XKR9: variants seen among roughly 807,000 people sequenced by gnomAD.
XKR9 encodes XK related 9.
In XKR9, 32 loss-of-function variants were observed where a neutral mutation model predicts 32.0. The observed-to-expected ratio is 1.00, with a 90% CI of 0.76 to 1.34. XKR9 has a LOEUF of 1.34. Ranked by LOEUF, XKR9 falls within the 40% of genes most tolerant of loss-of-function variation. The probability of loss-of-function intolerance (pLI) is 0.00; values close to 1 mark genes in which losing one functional copy is unlikely to be tolerated. For synonymous variants in XKR9, 168 were observed against 143.4 expected (o/e 1.17, Z -1.22); for missense variants, 546 against 429.7 (o/e 1.27, Z -2.39).
At chr8:70,715,824 T>A (rs2132201902) in intron 4 of XKR9, among the ~76,000 whole-genome samples, 1 of 150,778 alleles carries the variant, frequency 6.6e-6, no homozygotes, top group Non-Finnish European at 1.5e-5. Context: ...ATGGAAAACA[T>A]TTTTTTTTGA....
chr8:70,911,883 T>C, the XKR9 span, among the ~76,000 whole-genome samples: 1 of 151,980 alleles, frequency 6.6e-6, no homozygotes, highest in Admixed American at 6.6e-5. Context: ...GACCACACAG[T>C]GCAGTAAAGG....
chr8:70,924,443 A>G, the XKR9 span, among the ~76,000 whole-genome samples: 237 of 152,288 alleles, frequency 1.6e-3, 1 homozygote, highest in African/African-American at 5.5e-3. Flanking sequence ...GAAAATGTCA[A>G]TACTCAATTT....
At chr8:70,898,762 A>G in the XKR9 span, among the ~76,000 whole-genome samples, 1 of 152,034 alleles carries the variant, frequency 6.6e-6, no homozygotes, top group Non-Finnish European at 1.5e-5. Context: ...TTCTTATTTT[A>G]TCATAATTTA....
the XKR9 span, among the ~76,000 whole-genome samples, chr8:70,905,672 G>A: frequency 6.6e-6 from 1 of 152,160 alleles, no homozygotes; most frequent in Non-Finnish European, 1.5e-5. Flanking sequence ...TGCTGGCAAG[G>A]AGCTGCGTTC....
the XKR9 span, among the ~76,000 whole-genome samples, chr8:70,946,005 C>A: frequency 6.6e-6 from 1 of 151,936 alleles, no homozygotes; most frequent in East Asian, 1.9e-4. Flanking sequence ...CATGGTGGTG[C>A]GCGCCTGTAG....
the XKR9 span, among the ~76,000 whole-genome samples, chr8:71,056,918 C>G: frequency 6.6e-6 from 1 of 151,976 alleles, no homozygotes; most frequent in South Asian, 2.1e-4. Context: ...TAAGTTATTC[C>G]TTAAATGAGA....
chr8:70,894,742 G>GT, the XKR9 span, among the ~76,000 whole-genome samples: 13 of 150,362 alleles, frequency 8.6e-5, no homozygotes, highest in Admixed American at 1.3e-4. Context: ...GGCTAAGGTG[G>GT]TTTTTTTTAG....
At chr8:70,676,332 G>C (rs1818887825) in intron 2 of XKR9, among the ~76,000 whole-genome samples, 1 of 152,170 alleles carries the variant, frequency 6.6e-6, no homozygotes, top group Non-Finnish European at 1.5e-5. Context: ...TTCAACATGA[G>C]ATTTGGTAGG....
At chr8:70,732,872 C>T (rs1309022466) in intron 4 of XKR9, among the ~76,000 whole-genome samples, 2 of 152,308 alleles carry the variant, frequency 1.3e-5, no homozygotes, top group Non-Finnish European at 2.9e-5. Flanking sequence ...AATCCTAGCC[C>T]TTTGGGAGGC....
the XKR9 span, among the ~76,000 whole-genome samples, chr8:70,800,841 G>C: frequency 6.6e-6 from 1 of 151,942 alleles, no homozygotes; most frequent in African/African-American, 2.4e-5. Flanking sequence ...CTTTGAAACT[G>C]ATTATCAGTG....
chr8:70,753,691 A>G (rs1474034975), intron 2 of XKR9, among the ~76,000 whole-genome samples: 2 of 152,050 alleles, frequency 1.3e-5, no homozygotes, highest in Middle Eastern at 3.2e-3. Context: ...TAGATGCAGA[A>G]AAGGCCTTTG....
At chr8:71,034,252 TAGTG>T in the XKR9 span, among the ~76,000 whole-genome samples, 1 of 152,154 alleles carries the variant, frequency 6.6e-6, no homozygotes, top group African/African-American at 2.4e-5. Flanking sequence ...GTTCTCATGA[TAGTG>T]AGTGAGTTCT....
chr8:70,959,004 A>G, the XKR9 span, among the ~76,000 whole-genome samples: 2 of 152,244 alleles, frequency 1.3e-5, no homozygotes, highest in Admixed American at 6.5e-5. Context: ...TGTTTTAATT[A>G]CATTTTACTT....
chr8:70,965,651 G>A, the XKR9 span, among the ~76,000 whole-genome samples: 2 of 152,070 alleles, frequency 1.3e-5, no homozygotes, highest in Non-Finnish European at 2.9e-5. Flanking sequence ...GCCTATTCAG[G>A]GATTCAATTT....
chr8:70,874,847 T>C, the XKR9 span, among the ~76,000 whole-genome samples: 1 of 152,226 alleles, frequency 6.6e-6, no homozygotes, highest in South Asian at 2.1e-4. Flanking sequence ...TTCAGGTTTA[T>C]GTCCTGTTTT....
chr8:70,911,948 C>G, the XKR9 span, among the ~76,000 whole-genome samples: 1 of 152,164 alleles, frequency 6.6e-6, no homozygotes, highest in Non-Finnish European at 1.5e-5. Flanking sequence ...GAGGGCACAT[C>G]TAAGCCAGGG....
chr8:71,032,905 C>T, the XKR9 span, among the ~76,000 whole-genome samples: 128 of 152,094 alleles, frequency 8.4e-4, no homozygotes, highest in East Asian at 0.017. Flanking sequence ...GCCAACATGG[C>T]GAAACCCCGT....
the XKR9 span, among the ~76,000 whole-genome samples, chr8:70,815,860 A>G: frequency 6.6e-6 from 1 of 152,080 alleles, no homozygotes; most frequent in African/African-American, 2.4e-5. Context: ...TCTGTGGTAT[A>G]TGCGCACCAC....
chr8:70,766,033 A>T (rs1807370864), intron 2 of XKR9, among the ~76,000 whole-genome samples: 1 of 152,076 alleles, frequency 6.6e-6, no homozygotes, highest in Non-Finnish European at 1.5e-5. Context: ...TGAGTCAGGT[A>T]GTGTGATGCC....
Sources: allele counts gnomAD v4.1 joint callset (sites outside exome capture counted in the v4.1 genomes callset), GRCh38; gene constraint gnomAD v4.1.1; transcripts MANE v1.5; gene names NCBI Gene and HGNC (gene_info 2026-07-23, HGNC 2026-07-21).